Variants in FAM174A observed in about 807,000 individuals in gnomAD.
The protein encoded by FAM174A is membrane protein FAM174A.
Under a neutral mutation model 14.3 loss-of-function variants are expected in FAM174A, and 14 were observed. The observed-to-expected ratio is 0.98, with a 90% CI of 0.65 to 1.53. The LOEUF (loss-of-function observed/expected upper bound fraction) is 1.53. Ranked by LOEUF, FAM174A falls within the 40% of genes most tolerant of loss-of-function variation. The probability of loss-of-function intolerance (pLI) is 0.00; values close to 1 mark genes in which losing one functional copy is unlikely to be tolerated. For missense variants in FAM174A, 241 were observed against 249.6 expected (o/e 0.97, Z 0.23); for synonymous variants, 108 against 111.4 (o/e 0.97, Z 0.19).
intron 1 of FAM174A, among the ~76,000 whole-genome samples, chr5:100,541,714 C>T (rs1457429021): frequency 1.3e-5 from 2 of 151,936 alleles, no homozygotes; most frequent in Admixed American, 6.6e-5. Context: ...TGAAATGTTC[C>T]CATTTCCATG....
At chr5:100,540,590 G>A (rs1039766912) in intron 1 of FAM174A, among the ~76,000 whole-genome samples, 1 of 152,036 alleles carries the variant, frequency 6.6e-6, no homozygotes, top group Admixed American at 6.6e-5. Flanking sequence ...TTTTTGCAAA[G>A]GTGAAACTTC....
At chr5:100,583,120 A>G (rs760505237) in intron 2 of FAM174A, among the ~76,000 whole-genome samples, 2 of 152,178 alleles carry the variant, frequency 1.3e-5, no homozygotes, top group Non-Finnish European at 2.9e-5. Context: ...GAGAAAATAT[A>G]TTTACTGTTC....
chr5:100,583,645 T>C (rs1381957532), intron 2 of FAM174A, among the ~76,000 whole-genome samples: 1 of 152,190 alleles, frequency 6.6e-6, no homozygotes, highest in Non-Finnish European at 1.5e-5. Flanking sequence ...CCGATTTTTT[T>C]TTTTTGCAAT....
chr5:100,547,009 A>G (rs558438875), intron 1 of FAM174A, among the ~76,000 whole-genome samples: 1 of 152,006 alleles, frequency 6.6e-6, no homozygotes, highest in African/African-American at 2.4e-5. Flanking sequence ...TCCTGTGTGC[A>G]TATATATGTG....
At chr5:100,545,458 G>A (rs1028149432) in intron 1 of FAM174A, among the ~76,000 whole-genome samples, 1 of 151,836 alleles carries the variant, frequency 6.6e-6, no homozygotes, top group Non-Finnish European at 1.5e-5. Flanking sequence ...AAAATTCATA[G>A]AACATGAAGA....
At chr5:100,583,412 A>C (rs1433308447) in intron 2 of FAM174A, among the ~76,000 whole-genome samples, 1 of 152,240 alleles carries the variant, frequency 6.6e-6, no homozygotes, top group Non-Finnish European at 1.5e-5. Context: ...GGTCCATGTC[A>C]TAAAAGAAGT....
chr5:100,535,519 G>A lies in FAM174A; in HGVS notation c.-12G>A, dbSNP rs1370047092. 6 of 1,611,084 alleles carry A rather than the reference G, an allele frequency of 3.7e-6. No individual in the cohort carries two copies. The highest frequency in any genetic ancestry group is 2.2e-5 in the East Asian group (1 of 44,888). ...GGCGGCTCCCGGGTGGTGAGAGAGC[G>A]GTCCGGGAACGATGAAGGCCTCGCA... On this transcript the variant is annotated 5_prime_UTR_variant, in exon 1 of 3. Transcript: ENST00000312637.
chr5:100,551,140 G>T (rs1486846301), intron 1 of FAM174A, among the ~76,000 whole-genome samples: 1 of 152,110 alleles, frequency 6.6e-6, no homozygotes, highest in Non-Finnish European at 1.5e-5. Flanking sequence ...CAGTGGTATG[G>T]TAAGCAATAT....
intron 2 of FAM174A, among the ~76,000 whole-genome samples, chr5:100,583,072 T>A (rs901339443): frequency 7.9e-5 from 12 of 152,116 alleles, no homozygotes; most frequent in African/African-American, 2.9e-4. Context: ...CAAAGCATGC[T>A]AAAGAAAAGA....
At chr5:100,543,358 T>A (rs1746101083) in intron 1 of FAM174A, among the ~76,000 whole-genome samples, 1 of 152,162 alleles carries the variant, frequency 6.6e-6, no homozygotes, top group African/African-American at 2.4e-5. Context: ...GCTCAAGTGA[T>A]CTGCCTGCCT....
rs556251875 is a variant in FAM174A at position 100,536,052 on chromosome 5, C to T, written c.434+88C>T. On this transcript the variant is annotated intron_variant, in intron 1 of 2. Coordinates refer to ENST00000312637, the MANE Select transcript of FAM174A (RefSeq NM_198507.3). ...GCAAGGCTGACTTCTGTGACCCTTT[C>T]CCCCTTCCCCAGCATCAGGGACTCC... 2.7e-5 allele frequency: 33 copies of T among 1,215,928 alleles called. No individual in the cohort carries two copies. The South Asian group carries it at 4.6e-4, about 17-fold the overall frequency. The allele number at this position is 1,215,928 out of a possible 1,614,324, so 75.3% of individuals were successfully genotyped here. A position where few individuals can be genotyped will look rare whatever the true frequency, so the allele number is the denominator to read the frequency against.
At chr5:100,552,143 AC>A (rs1347868884) in intron 1 of FAM174A, among the ~76,000 whole-genome samples, 1 of 152,182 alleles carries the variant, frequency 6.6e-6, no homozygotes, top group Non-Finnish European at 1.5e-5. Flanking sequence ...AAGAATTTTT[AC>A]TATGTGTCAT....
At chr5:100,555,125 G>A (rs1746348375) in intron 1 of FAM174A, among the ~76,000 whole-genome samples, 1 of 148,462 alleles carries the variant, frequency 6.7e-6, no homozygotes, top group African/African-American at 2.5e-5. Flanking sequence ...TCCCCTTCCT[G>A]TGTCCATGTG....
chr5:100,537,135 T>C (rs1745956433), intron 1 of FAM174A, among the ~76,000 whole-genome samples: 1 of 152,238 alleles, frequency 6.6e-6, no homozygotes, highest in Non-Finnish European at 1.5e-5. Flanking sequence ...ATAAAAAGGC[T>C]ATTAAAATGT....
At chr5:100,546,605 C>A (rs1443286251) in intron 1 of FAM174A, among the ~76,000 whole-genome samples, 1 of 152,104 alleles carries the variant, frequency 6.6e-6, no homozygotes, top group African/African-American at 2.4e-5. Flanking sequence ...TTGCATCTTA[C>A]CAAATAGTAA....
At chr5:100,570,925 T>G (rs1184393810) in intron 2 of FAM174A, among the ~76,000 whole-genome samples, 1 of 151,960 alleles carries the variant, frequency 6.6e-6, no homozygotes, top group Non-Finnish European at 1.5e-5. Flanking sequence ...CATATACTTT[T>G]TCTGCATGTA....
intron 1 of FAM174A, among the ~76,000 whole-genome samples, chr5:100,548,449 A>G (rs1746202193): frequency 6.6e-6 from 1 of 152,114 alleles, no homozygotes; most frequent in Non-Finnish European, 1.5e-5. Flanking sequence ...AATATGGCTC[A>G]ACTAAAACAA....
At chr5:100,538,380 A>C (rs537347534) in intron 1 of FAM174A, among the ~76,000 whole-genome samples, 1 of 152,272 alleles carries the variant, frequency 6.6e-6, no homozygotes, top group African/African-American at 2.4e-5. Context: ...ATTGAACTAC[A>C]TGAGACTTTC....
intron 1 of FAM174A, among the ~76,000 whole-genome samples, chr5:100,552,714 T>G (rs1370634382): frequency 6.6e-6 from 1 of 152,166 alleles, no homozygotes; most frequent in Non-Finnish European, 1.5e-5. Flanking sequence ...ATACTCTAAC[T>G]TATATACATG....
Sources: gnomAD v4.1 joint callset for allele counts (sites outside exome capture counted in the v4.1 genomes callset) on GRCh38, gnomAD v4.1.1 for gene constraint, MANE v1.5 for transcripts, NCBI Gene and HGNC (gene_info 2026-07-23, HGNC 2026-07-21) for gene names.